Variants in KLRG1 observed in about 807,000 individuals in gnomAD.
The protein encoded by KLRG1 is killer cell lectin-like receptor subfamily G member 1.
KLRG1 carries 16 observed loss-of-function variants against 21.8 expected under a neutral mutation model. That is an observed-to-expected ratio of 0.73 (90% confidence interval 0.50 to 1.11). KLRG1 has a LOEUF of 1.11. KLRG1 is among the 50% of genes most tolerant of loss of function. The pLI, the probability that KLRG1 is intolerant of heterozygous loss-of-function variation, is 0.00. For synonymous variants in KLRG1, 69 were observed against 75.9 expected, an observed-to-expected ratio of 0.91 and a Z score of 0.47; for missense variants, 173 against 218.3, an observed-to-expected ratio of 0.79 and a Z score of 1.31.
the KLRG1 span, chr12:9,080,338 G>A: frequency 3.2e-5 from 13 of 405,656 alleles, no homozygotes; most frequent in Non-Finnish European, 5.7e-5. Flanking sequence ...TCTTAAAAAT[G>A]GGCTACTGGT....
chr12:9,041,245 G>C, the KLRG1 span, among the ~76,000 whole-genome samples: 2 of 152,188 alleles, frequency 1.3e-5, no homozygotes, highest in African/African-American at 4.8e-5. Context: ...TGAGGCAGGA[G>C]AATCACTCGA....
the KLRG1 span, among the ~76,000 whole-genome samples, chr12:9,169,267 TG>T: frequency 6.6e-6 from 1 of 152,246 alleles, no homozygotes; most frequent in South Asian, 2.1e-4. Context: ...AGCTTTTGTG[TG>T]ATCCTCACAA....
At chr12:9,040,648 T>C in the KLRG1 span, among the ~76,000 whole-genome samples, 1 of 152,250 alleles carries the variant, frequency 6.6e-6, no homozygotes, top group African/African-American at 2.4e-5. Context: ...TATATGTGGT[T>C]GTGTGGTCTG....
the KLRG1 span, among the ~76,000 whole-genome samples, chr12:9,173,265 T>C: frequency 6.6e-6 from 1 of 152,180 alleles, no homozygotes; most frequent in Non-Finnish European, 1.5e-5. Context: ...AAGAAGTTAT[T>C]TGAAACTAAT....
the KLRG1 span, chr12:9,160,134 A>G: frequency 8.4e-7 from 1 of 1,197,502 alleles, no homozygotes; most frequent in South Asian, 1.4e-5. Flanking sequence ...ACCTTCTGTG[A>G]TCTGCCATAG....
chr12:8,976,448 A>G (rs1413895857), intron 1 of KLRG1, among the ~76,000 whole-genome samples: 1 of 151,990 alleles, frequency 6.6e-6, no homozygotes, highest in Admixed American at 6.6e-5. Context: ...GTTGGGTGAA[A>G]ATTTCTGTAT....
the KLRG1 span, among the ~76,000 whole-genome samples, chr12:9,210,791 C>A: frequency 6.6e-6 from 1 of 152,076 alleles, no homozygotes; most frequent in African/African-American, 2.4e-5. Flanking sequence ...AAAACATCCT[C>A]CCATGTTTAT....
the KLRG1 span, chr12:9,089,839 T>C: frequency 9.7e-7 from 1 of 1,034,850 alleles, no homozygotes; most frequent in Non-Finnish European, 1.4e-6. Context: ...TATCCATATA[T>C]TATTATATTA....
At chr12:9,026,896 C>T in the KLRG1 span, among the ~76,000 whole-genome samples, 1 of 151,922 alleles carries the variant, frequency 6.6e-6, no homozygotes, top group Non-Finnish European at 1.5e-5. Context: ...CACTTTTTTG[C>T]CCAGGCTGGA....
the KLRG1 span, among the ~76,000 whole-genome samples, chr12:9,132,491 TGCAG>T: frequency 6.6e-6 from 1 of 152,228 alleles, no homozygotes; most frequent in East Asian, 1.9e-4. Flanking sequence ...GTTTCCATTC[TGCAG>T]GCAGTTGTGT....
the KLRG1 span, among the ~76,000 whole-genome samples, chr12:9,108,351 C>G: frequency 6.6e-6 from 1 of 152,146 alleles, no homozygotes; most frequent in African/African-American, 2.4e-5. Flanking sequence ...TGGTCTTGAT[C>G]TCCTGACCTC....
At chr12:9,211,543 G>A in the KLRG1 span, among the ~76,000 whole-genome samples, 10 of 152,088 alleles carry the variant, frequency 6.6e-5, no homozygotes, top group African/African-American at 2.4e-4. Context: ...ATCTTACTGA[G>A]CATCTTTAAG....
the KLRG1 span, chr12:9,106,352 A>G: frequency 6.3e-7 from 1 of 1,581,724 alleles, no homozygotes; most frequent in Non-Finnish European, 8.7e-7. Context: ...ACCACTGAAA[A>G]AAGAGAAAAA....
chr12:9,090,496 T>C, the KLRG1 span: 1 of 1,612,522 alleles, frequency 6.2e-7, no homozygotes, highest in Non-Finnish European at 8.5e-7. Flanking sequence ...AAACCACACA[T>C]AAGAAAGGGA....
the KLRG1 span, among the ~76,000 whole-genome samples, chr12:9,030,986 T>C: frequency 1.3e-5 from 2 of 151,716 alleles, no homozygotes; most frequent in East Asian, 3.9e-4. Context: ...CGGCAGGGGG[T>C]AGTGAGAGAA....
the KLRG1 span, among the ~76,000 whole-genome samples, chr12:9,155,110 A>G: frequency 6.6e-6 from 1 of 152,190 alleles, no homozygotes; most frequent in Non-Finnish European, 1.5e-5. Flanking sequence ...GGACTGATGA[A>G]AGAGAAAAGT....
chr12:9,175,096 A>C, the KLRG1 span, among the ~76,000 whole-genome samples: 1 of 152,220 alleles, frequency 6.6e-6, no homozygotes, highest in Non-Finnish European at 1.5e-5. Flanking sequence ...ACAGCATGGT[A>C]CTGATAAAGA....
chr12:9,162,279 A>G, the KLRG1 span: 2 of 238,376 alleles, frequency 8.4e-6, no homozygotes, highest in South Asian at 1.0e-4. Flanking sequence ...CTCTCTTTCT[A>G]CCTCATCCTG....
At chr12:9,206,434 A>G in the KLRG1 span, among the ~76,000 whole-genome samples, 21 of 152,216 alleles carry the variant, frequency 1.4e-4, no homozygotes, top group Non-Finnish European at 2.5e-4. Context: ...CTTGCCCAAG[A>G]TGTCATTGGT....
Sources: allele counts gnomAD v4.1 joint callset (sites outside exome capture counted in the v4.1 genomes callset), GRCh38; gene constraint gnomAD v4.1.1; transcripts MANE v1.5; gene names NCBI Gene and HGNC (gene_info 2026-07-23, HGNC 2026-07-21).